Variants in GABRB3 observed in about 807,000 individuals in gnomAD.
GABRB3 encodes gamma-aminobutyric acid type A receptor subunit beta3.
In GABRB3, 14 loss-of-function variants were observed where a neutral mutation model predicts 52.1. The observed-to-expected ratio is 0.27, with a 90% CI of 0.18 to 0.42. GABRB3 has a LOEUF of 0.42. GABRB3 is among the 10% of genes least tolerant of loss of function. The pLI, the probability that GABRB3 is intolerant of heterozygous loss-of-function variation, is 1.00. For missense variants in GABRB3, 307 were observed against 609.1 expected (o/e 0.50, Z 5.22); for synonymous variants, 260 against 232.3 (o/e 1.12, Z -1.08).
chr15:26,606,791 T>TCGATAGATATATCGAG, intron 4 of GABRB3, among the ~76,000 whole-genome samples: 1 of 144,564 alleles, frequency 6.9e-6, no homozygotes, highest in Non-Finnish European at 1.5e-5. Flanking sequence ...GATATATCTA[T>TCGATAGATATATCGAG]AGATAGATAT....
chr15:26,567,162 A>G lies in GABRB3; in HGVS notation c.835+419T>C, dbSNP rs186446213. Among the ~76,000 whole-genome samples, 6 of 152,316 alleles carry G rather than the reference A, an allele frequency of 3.9e-5. No homozygotes were observed. In the East Asian group the frequency reaches 1.2e-3, roughly 29 times the overall value. On this transcript the variant is annotated intron_variant, in intron 7 of 8. Transcript: ENST00000311550. Reference sequence around the variant, plus strand: ...ATTCAGAATTGAATTCCATATTTTAATGCTCATTAAATTGTGTAATTCCAA... The same window carrying G: ...ATTCAGAATTGAATTCCATATTTTAGTGCTCATTAAATTGTGTAATTCCAA...
intron 3 of GABRB3, among the ~76,000 whole-genome samples, chr15:26,752,266 T>TTTAC (rs1890532148): frequency 6.7e-6 from 1 of 149,750 alleles, no homozygotes; most frequent in Non-Finnish European, 1.5e-5. Flanking sequence ...TATTTATTTA[T>TTTAC]TTATTTATTT....
At chr15:26,687,470 A>C (rs1340526491) in intron 3 of GABRB3, among the ~76,000 whole-genome samples, 2 of 152,058 alleles carry the variant, frequency 1.3e-5, no homozygotes, top group African/African-American at 4.8e-5. Context: ...ACATCTCGAC[A>C]TCATGCTTCT....
intron 3 of GABRB3, among the ~76,000 whole-genome samples, chr15:26,693,441 C>T (rs1301068584): frequency 1.3e-5 from 2 of 152,170 alleles, no homozygotes; most frequent in South Asian, 4.1e-4. Flanking sequence ...TTCATGTGCC[C>T]TTGTTGGCCT....
intron 3 of GABRB3, among the ~76,000 whole-genome samples, chr15:26,745,181 G>A (rs2140164904): frequency 6.6e-6 from 1 of 152,296 alleles, no homozygotes; most frequent in East Asian, 1.9e-4. Flanking sequence ...TCGTCCCCAT[G>A]ACCCAAACGC....
intron 4 of GABRB3, among the ~76,000 whole-genome samples, chr15:26,608,367 T>C (rs1006333273): frequency 6.7e-6 from 1 of 150,282 alleles, no homozygotes; most frequent in East Asian, 1.9e-4. Flanking sequence ...AAAGAAAACA[T>C]AGGGGGAAAA....
chr15:26,665,637 A>C lies in GABRB3; in HGVS notation c.241-44103T>G, dbSNP rs182774934. Among the ~76,000 whole-genome samples, 254 of 152,300 alleles carry C rather than the reference A, an allele frequency of 1.7e-3. 4 individuals carry two copies. The highest frequency in any genetic ancestry group is 5.8e-3 in the African/African-American group (243 of 41,570). On this transcript the variant is annotated intron_variant, in intron 3 of 8. Coordinates refer to ENST00000311550, the MANE Select transcript of GABRB3 (RefSeq NM_000814.6). ...TGGTGTCAGGTAAAAGGAGACCATA[A>C]ATGCTCATGTGGGCACTCATGTTGG...
At chr15:26,611,159 T>C (rs1892055414) in intron 4 of GABRB3, among the ~76,000 whole-genome samples, 2 of 152,152 alleles carry the variant, frequency 1.3e-5, no homozygotes, top group South Asian at 4.1e-4. Flanking sequence ...TTTTGTATAA[T>C]ATCTCAGTTC....
intron 3 of GABRB3, among the ~76,000 whole-genome samples, chr15:26,626,867 T>C (rs1330979632): frequency 2.0e-5 from 3 of 152,210 alleles, no homozygotes; most frequent in Admixed American, 1.3e-4. Context: ...CTAAAATCAC[T>C]GATGAAGGTG....
At chr15:26,750,973 A>C (rs1890490774) in intron 3 of GABRB3, among the ~76,000 whole-genome samples, 2 of 152,222 alleles carry the variant, frequency 1.3e-5, no homozygotes, top group Non-Finnish European at 2.9e-5. Context: ...CCCTCAAGTA[A>C]CAAGTCAGTA....
chr15:26,752,447 T>G (rs1178232880), intron 3 of GABRB3, among the ~76,000 whole-genome samples: 2 of 151,838 alleles, frequency 1.3e-5, no homozygotes, highest in African/African-American at 4.8e-5. Context: ...GTTTATTTAG[T>G]AGAGATGGGG....
At chr15:26,598,679 T>C (rs1439416986) in intron 4 of GABRB3, among the ~76,000 whole-genome samples, 1 of 152,184 alleles carries the variant, frequency 6.6e-6, no homozygotes, top group African/African-American at 2.4e-5. Flanking sequence ...CATCCCATTT[T>C]CCAAGCATTT....
chr15:26,699,131 G>A (rs1595537254), intron 3 of GABRB3, among the ~76,000 whole-genome samples: 1 of 152,090 alleles, frequency 6.6e-6, no homozygotes, highest in Non-Finnish European at 1.5e-5. Context: ...AGGAAAATTT[G>A]TCAGAGTTTA....
Position 26,716,968 on chromosome 15 carries a change from T to G in GABRB3, c.240+55434A>C, listed in dbSNP as rs61348269. On this transcript the variant is annotated intron_variant, in intron 3 of 8. Transcript: ENST00000311550. ...CCCAGCTCTGAGGACCTCCACCCAA[T>G]GACAGCCCAGCTCTGGGGACATCCA... Among the ~76,000 whole-genome samples the G allele has an allele frequency of 4.8e-4, 49 of 101,172 alleles. 1 individual carries two copies. The East Asian group carries it at 0.013, about 26-fold the overall frequency. 66.4% of individuals were successfully genotyped at this position (101,172 alleles called of 152,430 possible).
intron 6 of GABRB3, among the ~76,000 whole-genome samples, chr15:26,579,057 A>G (rs569127757): frequency 3.9e-5 from 6 of 152,332 alleles, no homozygotes; most frequent in South Asian, 2.1e-4. Flanking sequence ...AGGCTTTTCC[A>G]TCTACTTATC....
At chr15:26,556,792 C>A (rs998170846) in intron 8 of GABRB3, among the ~76,000 whole-genome samples, 6 of 152,150 alleles carry the variant, frequency 3.9e-5, no homozygotes, top group Non-Finnish European at 7.3e-5. Context: ...TACCAAGAGG[C>A]AGTTGCTGGT....
At chr15:26,624,619 T>C in intron 3 of GABRB3, 1 of 985,470 alleles carries the variant, frequency 1.0e-6, no homozygotes, top group Non-Finnish European at 1.2e-6. Context: ...TTGAGTAGAC[T>C]AGTGGGTAAG....
At position 26,554,041 on chromosome 15, in the gene GABRB3, T is replaced by TTTATATATATATATATATATTTA. The variant is rs1567096776; in HGVS notation, c.1081-5908_1081-5907insTAAATATATATATATATATATAA. Reference sequence around the variant, plus strand: ...ACTATTTATATATATATATATTTATTTATTTATATTTATTTATATATAAAG... The same window carrying TTTATATATATATATATATATTTA: ...ACTATTTATATATATATATATTTATTTTATATATATATATATATATTTATATTTATATTTATTTATATATAAAG... On this transcript the variant is annotated intron_variant, in intron 8 of 8. Transcript: ENST00000311550. 5.2e-4 allele frequency among the ~76,000 whole-genome samples: 32 copies of TTTATATATATATATATATATTTA among 62,106 alleles called. 4 individuals are homozygous for TTTATATATATATATATATATTTA. The highest frequency in any genetic ancestry group is 8.8e-4 in the Non-Finnish European group (28 of 31,714). 40.7% of individuals were successfully genotyped at this position (62,106 alleles called of 152,430 possible).
intron 4 of GABRB3, among the ~76,000 whole-genome samples, chr15:26,593,618 G>T (rs1436514917): frequency 6.6e-6 from 1 of 151,666 alleles, no homozygotes; most frequent in African/African-American, 2.4e-5. Context: ...TTTTTTCAAG[G>T]TTCACCCATG....
Sources: allele counts gnomAD v4.1 joint callset (sites outside exome capture counted in the v4.1 genomes callset), GRCh38; gene constraint gnomAD v4.1.1; transcripts MANE v1.5; gene names NCBI Gene and HGNC (gene_info 2026-07-23, HGNC 2026-07-21).